TPH2: variants seen among roughly 807,000 people sequenced by gnomAD.
TPH2 encodes the protein tryptophan hydroxylase 2, also known as tryptophan 5-hydroxylase 2.
A neutral mutation model predicts 59.1 loss-of-function variants in TPH2; 27 were observed. The observed-to-expected ratio is 0.46, with a 90% CI of 0.34 to 0.63. The LOEUF is 0.63. TPH2 is among the 30% of genes least tolerant of loss of function. TPH2 has a pLI of 0.01. For missense variants in TPH2, 523 were observed against 588.3 expected, an observed-to-expected ratio of 0.89 and a Z score of 1.15; for synonymous variants, 220 against 210.5, an observed-to-expected ratio of 1.05 and a Z score of -0.39.
intron 5 of TPH2, among the ~76,000 whole-genome samples, chr12:71,966,244 C>A (rs2931545): frequency 1.3e-5 from 2 of 148,712 alleles, no homozygotes; most frequent in South Asian, 4.2e-4. Flanking sequence ...AAGGCCCTGT[C>A]TAAATCTTTT....
intron 8 of TPH2, among the ~76,000 whole-genome samples, chr12:72,014,395 C>T (rs12812852): frequency 0.049 from 6,840 of 139,866 alleles, 267 homozygotes; most frequent in East Asian, 0.17. Context: ...TTCTTTTTTT[C>T]TTTTTTTTTT....
At chr12:72,011,611 G>A (rs185911459) in intron 8 of TPH2, among the ~76,000 whole-genome samples, 20 of 152,294 alleles carry the variant, frequency 1.3e-4, no homozygotes, top group African/African-American at 4.6e-4. Flanking sequence ...TCTCCAGTTG[G>A]CTACAACCTT....
At chr12:72,014,310 C>G (rs1016473240) in intron 8 of TPH2, among the ~76,000 whole-genome samples, 4 of 152,098 alleles carry the variant, frequency 2.6e-5, no homozygotes, top group African/African-American at 9.7e-5. Context: ...ATAGGACTAG[C>G]CCAGGGCAAA....
chr12:71,939,081 G>T lies in TPH2; in HGVS notation c.95G>T (p.Gly32Val), dbSNP rs201958204. Residue 32 changes from glycine to valine, a missense_variant, in exon 1 of 11, where the codon GGC (glycine) becomes GTC (valine). By Grantham distance (109) the Gly-to-Val change is moderately radical. Transcript: ENST00000333850. ...GTGCCCGAAGAGCATCAGCTACTTG[G>T]CAGCTCAACAGTGAGTACTACGTAC... ...SAVPEEHQLL[G>V]SSTLNKPNSG... is the part of the protein sequence containing the mutation. The T allele has an allele frequency of 6.2e-7, 1 of 1,613,696 alleles. No homozygotes were observed. Among genetic ancestry groups the T allele is most frequent in the Middle Eastern group, 1.6e-4 (1 of 6,062 alleles).
chr12:72,016,433 G>A lies in TPH2; in HGVS notation c.1069-5966G>A, dbSNP rs529844428. On this transcript the variant is annotated intron_variant, in intron 8 of 10. Transcript: ENST00000333850. ...GTGGGTTTGGAAGCTACGTAACTAA[G>A]CTTTGTTAGAACTGTGTACAAGATA... 1.4e-3 allele frequency among the ~76,000 whole-genome samples: 215 copies of A among 152,212 alleles called. 5 individuals carry two copies. In the South Asian group the frequency reaches 0.025, roughly 18 times the overall value.
chr12:72,024,624 C>T (rs2139247328), intron 9 of TPH2, among the ~76,000 whole-genome samples: 1 of 152,318 alleles, frequency 6.6e-6, no homozygotes, highest in South Asian at 2.1e-4. Flanking sequence ...TGTCTATTTA[C>T]ATCCTCCTCA....
Position 72,022,387 on chromosome 12 carries a change from GT to G in TPH2, c.1069-7del. 3 of 1,608,222 alleles carry G rather than the reference GT, an allele frequency of 1.9e-6. No individual in the cohort carries two copies. Among genetic ancestry groups the G allele is most frequent in the Non-Finnish European group, 2.6e-6 (3 of 1,174,686 alleles). On this transcript the variant is annotated splice_polypyrimidine_tract_variant and intron_variant, in intron 8 of 10. Transcript: ENST00000333850. ...TGACCAGTTCACTGAATATGTGTTC[GT>G]TTTTCTTCAGTGCTATTTCTTCACA... is the stretch of plus-strand genomic sequence containing the variant.
intron 8 of TPH2, among the ~76,000 whole-genome samples, chr12:72,001,892 G>T (rs1201050753): frequency 6.6e-6 from 1 of 151,796 alleles, no homozygotes; most frequent in East Asian, 1.9e-4. Flanking sequence ...GCTCCATTTT[G>T]GAAATGTTAA....
At chr12:71,960,344 A>G (rs888894376) in intron 5 of TPH2, among the ~76,000 whole-genome samples, 3 of 152,244 alleles carry the variant, frequency 2.0e-5, no homozygotes, top group African/African-American at 7.2e-5. Flanking sequence ...ACACAGGTTG[A>G]AAACAAGACC....
chr12:71,981,668 G>A (rs921855836), intron 7 of TPH2, among the ~76,000 whole-genome samples: 1 of 152,064 alleles, frequency 6.6e-6, no homozygotes, highest in Non-Finnish European at 1.5e-5. Flanking sequence ...TGAGTGGAAA[G>A]TCATTTCTAA....
rs183075749 is a variant in TPH2, at chr12:71,996,680, G to T, written c.1068+2115G>T. Among the ~76,000 whole-genome samples, 3 of 152,226 alleles carry T rather than the reference G, an allele frequency of 2.0e-5. No individual in the cohort carries two copies. The East Asian group carries it at 5.8e-4, about 29-fold the overall frequency. ...GTGGAGCTGATGTGTGTGTGTGTGT[G>T]CATGTGTGCATGTGAACATGGGCAT... On this transcript the variant is annotated intron_variant, in intron 8 of 10. Transcript: ENST00000333850.
At chr12:72,007,746 CT>C (rs529009995) in intron 8 of TPH2, among the ~76,000 whole-genome samples, 53 of 146,338 alleles carry the variant, frequency 3.6e-4, no homozygotes, top group Non-Finnish European at 5.2e-4. Context: ...CTCACAAAAA[CT>C]TTTTTTTTTT....
chr12:71,980,251 A>G (rs1872238251), intron 7 of TPH2, among the ~76,000 whole-genome samples: 1 of 152,126 alleles, frequency 6.6e-6, no homozygotes, highest in Non-Finnish European at 1.5e-5. Context: ...CCTTGCTTTA[A>G]TCTTACCCCA....
intron 8 of TPH2, among the ~76,000 whole-genome samples, chr12:72,000,232 A>G (rs1872788344): frequency 6.6e-6 from 1 of 152,208 alleles, no homozygotes; most frequent in African/African-American, 2.4e-5. Context: ...GGGCAATAAA[A>G]CCATAACCTT....
At chr12:71,992,479 C>T (rs1287212597) in intron 7 of TPH2, among the ~76,000 whole-genome samples, 1 of 151,050 alleles carries the variant, frequency 6.6e-6, no homozygotes, top group African/African-American at 2.4e-5. Flanking sequence ...TGGCATGCGC[C>T]TGTAGTCCCA....
chr12:71,950,929 A>C (rs1309074712), intron 5 of TPH2, among the ~76,000 whole-genome samples: 1 of 152,090 alleles, frequency 6.6e-6, no homozygotes, highest in African/African-American at 2.4e-5. Context: ...TCTTCCCTTC[A>C]TCCTCCCAAG....
At chr12:72,029,644 CCTT>C (rs1183739769) in intron 9 of TPH2, among the ~76,000 whole-genome samples, 2 of 152,118 alleles carry the variant, frequency 1.3e-5, no homozygotes, top group Non-Finnish European at 2.9e-5. Context: ...AGTGTAGTGA[CCTT>C]CTGCTTATAA....
chr12:71,940,837 T>A (rs1480987770), intron 1 of TPH2, among the ~76,000 whole-genome samples: 1 of 152,220 alleles, frequency 6.6e-6, no homozygotes, highest in African/African-American at 2.4e-5. Context: ...AGTGTTAATC[T>A]TTTTCAGTTT....
At chr12:72,012,421 C>A (rs1478360714) in intron 8 of TPH2, among the ~76,000 whole-genome samples, 1 of 152,132 alleles carries the variant, frequency 6.6e-6, no homozygotes, top group East Asian at 1.9e-4. Flanking sequence ...TGTGCAAAGG[C>A]CCAGGTGGAA....
Sources: allele counts gnomAD v4.1 joint callset (sites outside exome capture counted in the v4.1 genomes callset), GRCh38; gene constraint gnomAD v4.1.1; transcripts MANE v1.5; gene names NCBI Gene and HGNC (gene_info 2026-07-23, HGNC 2026-07-21).